Variants in CEMIP observed in about 807,000 individuals in gnomAD.
CEMIP encodes the protein cell migration inducing hyaluronidase 1.
A neutral mutation model predicts 156.9 loss-of-function variants in CEMIP; 105 were observed. The ratio of observed to expected loss-of-function variants is 0.67; its 90% CI spans 0.57 to 0.79. The LOEUF (loss-of-function observed/expected upper bound fraction) is 0.79, where lower values mean the gene tolerates loss of function less well. CEMIP is among the 30% of genes least tolerant of loss of function. The probability of loss-of-function intolerance (pLI) is 0.00; values close to 1 mark genes in which losing one functional copy is unlikely to be tolerated. For synonymous variants in CEMIP, 676 were observed against 668.4 expected (o/e 1.01, Z -0.17); for missense variants, 1,457 against 1,769.4 (o/e 0.82, Z 3.17).
intron 1 of CEMIP, among the ~76,000 whole-genome samples, chr15:80,856,575 C>G (rs892120508): frequency 1.3e-5 from 2 of 152,108 alleles, no homozygotes; most frequent in Admixed American, 6.6e-5. Context: ...CTGGGGTCCC[C>G]TAGTGGTGAG....
chr15:80,799,868 A>G (rs1441210169), intron 1 of CEMIP, among the ~76,000 whole-genome samples: 1 of 151,982 alleles, frequency 6.6e-6, no homozygotes, highest in Non-Finnish European at 1.5e-5. Context: ...TTTTTTAGAG[A>G]GACAAGGTCT....
chr15:80,790,556 C>T (rs1896055475), intron 1 of CEMIP, among the ~76,000 whole-genome samples: 2 of 152,174 alleles, frequency 1.3e-5, no homozygotes, highest in Non-Finnish European at 2.9e-5. Context: ...TCAGTGAAGC[C>T]GCATCACTTA....
chr15:80,862,385 C>T (rs1210044990), intron 1 of CEMIP, among the ~76,000 whole-genome samples: 1 of 152,170 alleles, frequency 6.6e-6, no homozygotes, highest in Non-Finnish European at 1.5e-5. Context: ...ATGGAAGAAG[C>T]CATCCTGTGC....
chr15:80,920,367 C>A, intron 15 of CEMIP, 68 bp downstream of exon 15: 1 of 1,396,130 alleles, frequency 7.2e-7, no homozygotes, highest in African/African-American at 1.4e-5. Flanking sequence ...TGTGTTCACT[C>A]AGCTCAGCCC....
Position 80,886,560 on chromosome 15 carries a change from A to G in CEMIP, c.798-1134A>G, listed in dbSNP as rs570239680. On this transcript the variant is annotated intron_variant, in intron 7 of 29. Coordinates refer to ENST00000394685, the MANE Select transcript of CEMIP (RefSeq NM_001293298.2). ...AAGAGAGGGCTACTGTAGGGGGGGA[A>G]AATCTCTTTCCTTCTACTCTTCTAA... Among the ~76,000 whole-genome samples the G allele has an allele frequency of 3.9e-5, 6 of 152,108 alleles. No individual in the cohort carries two copies. The South Asian group carries it at 6.3e-4, about 16-fold the overall frequency.
At position 80,942,473 on chromosome 15, in the gene CEMIP, G is replaced by T. The variant is rs912622435; in HGVS notation, c.3699+136G>T. Reference sequence around the variant, plus strand: ...GGTGGTTTCCTCCAGGGGGCTTGGGGCGGGGAACCTGTTCCATGCCTCTTC... The same window carrying T: ...GGTGGTTTCCTCCAGGGGGCTTGGGTCGGGGAACCTGTTCCATGCCTCTTC... On this transcript the variant is annotated intron_variant, in intron 27 of 29. Transcript: ENST00000394685. 7 of 756,288 alleles carry T rather than the reference G, an allele frequency of 9.3e-6. No individual in the cohort carries two copies. The African/African-American group carries it at 1.2e-4, about 13-fold the overall frequency. 46.8% of individuals were successfully genotyped at this position (756,288 alleles called of 1,614,324 possible).
At chr15:80,894,880 C>T in intron 10 of CEMIP, 110 bp from the exon 11 acceptor site, 1 of 1,332,352 alleles carries the variant, frequency 7.5e-7, no homozygotes, top group East Asian at 2.3e-5. Flanking sequence ...AATAGTGTTG[C>T]AGCAGGGACA....
intron 1 of CEMIP, among the ~76,000 whole-genome samples, chr15:80,810,030 G>A (rs1341216400): frequency 6.6e-6 from 1 of 152,058 alleles, no homozygotes; most frequent in Non-Finnish European, 1.5e-5. Flanking sequence ...TCTCTGTACT[G>A]CAGTACCTAC....
chr15:80,933,239 G>T lies in CEMIP; in HGVS notation c.2794-6G>T, dbSNP rs374149680. On this transcript the variant is annotated splice_region_variant and splice_polypyrimidine_tract_variant and intron_variant, in intron 22 of 29. Transcript: ENST00000394685. ...GCCCTGCCTAACTTTCCTGGGCTCT[G>T]TTTAGATTACTTCCAGAGTGTTCTT... 38 of 1,613,682 alleles carry T rather than the reference G, an allele frequency of 2.4e-5. No homozygotes were observed. The African/African-American group carries it at 4.8e-4, about 20-fold the overall frequency.
At chr15:80,847,059 G>A (rs889108981) in intron 1 of CEMIP, among the ~76,000 whole-genome samples, 5 of 152,132 alleles carry the variant, frequency 3.3e-5, no homozygotes, top group African/African-American at 1.2e-4. Context: ...GGTGGGGTGG[G>A]CAGGACAGGG....
intron 1 of CEMIP, among the ~76,000 whole-genome samples, chr15:80,840,724 C>A (rs1897390427): frequency 6.6e-6 from 1 of 152,204 alleles, no homozygotes; most frequent in South Asian, 2.1e-4. Context: ...TTGCCCTGGA[C>A]ACACCAGCCT....
At chr15:80,816,118 G>A (rs1227632758) in intron 1 of CEMIP, among the ~76,000 whole-genome samples, 1 of 152,114 alleles carries the variant, frequency 6.6e-6, no homozygotes, top group South Asian at 2.1e-4. Flanking sequence ...TCTTTTTTAA[G>A]TTGTGATGGC....
chr15:80,810,222 A>T (rs1896625340), intron 1 of CEMIP, among the ~76,000 whole-genome samples: 1 of 152,208 alleles, frequency 6.6e-6, no homozygotes, highest in Non-Finnish European at 1.5e-5. Flanking sequence ...AAGATTTCAT[A>T]AAGTCTTATG....
At chr15:80,803,913 T>C (rs2866880) in intron 1 of CEMIP, among the ~76,000 whole-genome samples, 147,684 of 152,304 alleles carry the variant, frequency 0.97, 71,746 homozygotes, top group East Asian at 1. Context: ...AAAGACAAAC[T>C]CGAGACTGGA....
intron 17 of CEMIP, among the ~76,000 whole-genome samples, 156 bp from the exon 18 acceptor site, chr15:80,924,465 C>T (rs1378499690): frequency 6.6e-6 from 1 of 152,208 alleles, no homozygotes; most frequent in African/African-American, 2.4e-5. Context: ...GCATCTTCAC[C>T]TCCCTTACTG....
rs549694869 is a variant in CEMIP at position 80,868,728 on chromosome 15, A to G, written c.-175-4810A>G. Among the ~76,000 whole-genome samples the G allele has an allele frequency of 1.2e-4, 18 of 152,328 alleles. No homozygotes were observed. In the East Asian group the frequency reaches 2.1e-3, roughly 18 times the overall value. On this transcript the variant is annotated intron_variant, in intron 1 of 29. Transcript: ENST00000394685. ...AGATACTTTGTGCCTCAGTTTCCCC[A>G]TCCATAAACTAGAGATAATAATGAT...
chr15:80,875,441 A>C (rs755312830), intron 3 of CEMIP, among the ~76,000 whole-genome samples: 2 of 152,028 alleles, frequency 1.3e-5, no homozygotes, highest in Non-Finnish European at 2.9e-5. Context: ...GCGAGCATTG[A>C]CTCTGCCAGG....
chr15:80,870,178 T>C (rs1898241254), intron 1 of CEMIP, among the ~76,000 whole-genome samples: 1 of 152,174 alleles, frequency 6.6e-6, no homozygotes, highest in Non-Finnish European at 1.5e-5. Context: ...ACCGTCCTGC[T>C]AGTCACTGAG....
At chr15:80,871,081 G>A (rs1898272977) in intron 1 of CEMIP, among the ~76,000 whole-genome samples, 1 of 152,216 alleles carries the variant, frequency 6.6e-6, no homozygotes, top group African/African-American at 2.4e-5. Context: ...CCCAGTTCTT[G>A]TTGCCAGGAA....
Sources: gnomAD v4.1 joint callset for allele counts (sites outside exome capture counted in the v4.1 genomes callset) on GRCh38, gnomAD v4.1.1 for gene constraint, MANE v1.5 for transcripts, NCBI Gene and HGNC (gene_info 2026-07-23, HGNC 2026-07-21) for gene names.